The following TTC21B variants were observed in gnomAD, a reference collection of about 807,000 sequenced individuals.
The protein encoded by TTC21B is tetratricopeptide repeat protein 21B.
In TTC21B, 127 loss-of-function variants were observed where a neutral mutation model predicts 175.1. The observed-to-expected ratio is 0.73, with a 90% CI of 0.63 to 0.84. The LOEUF is 0.84. Ranked by LOEUF, TTC21B falls within the 40% of genes least tolerant of loss-of-function variation. TTC21B has a pLI of 0.00. For synonymous variants in TTC21B, 524 were observed against 524.5 expected (o/e 1.00, Z 0.01); for missense variants, 1,561 against 1,558.3 (o/e 1.00, Z -0.03).
chr2:165,929,614 C>T (rs1483833571), intron 10 of TTC21B, 36 bp downstream of exon 10: 2 of 1,401,094 alleles, frequency 1.4e-6, no homozygotes, highest in African/African-American at 1.4e-5. Context: ...TTATAAACAG[C>T]TAGCATCTAC....
chr2:165,920,966 G>A (rs192796963), intron 12 of TTC21B, among the ~76,000 whole-genome samples: 3 of 152,220 alleles, frequency 2.0e-5, no homozygotes, highest in Admixed American at 2.0e-4. Context: ...AGAATTCTGG[G>A]TAATAAAGCA....
rs368590446 is a variant in TTC21B, at chr2:165,907,663, G to A, written c.2568+15C>T. On this transcript the variant is annotated intron_variant, in intron 19 of 28. Coordinates refer to ENST00000243344, the MANE Select transcript of TTC21B (RefSeq NM_024753.5). ...CTCCTACCTCATGACCACACTCACA[G>A]ACAAATGTGTTTACCTGTTGTAATG... is the stretch of plus-strand genomic sequence containing the variant. The A allele has an allele frequency of 7.7e-6, 12 of 1,560,892 alleles. No individual in the cohort carries two copies. In the South Asian group the frequency reaches 1.1e-4, roughly 14 times the overall value.
Position 165,932,888 on chromosome 2 carries a change from T to C in TTC21B, c.795+85A>G, listed in dbSNP as rs938448499. Reference sequence around the variant, plus strand: ...AAAAGAGAACTTCAAGGCTTTAATGTATATGCACATGCACACATGGGTGTG... The same window carrying C: ...AAAAGAGAACTTCAAGGCTTTAATGCATATGCACATGCACACATGGGTGTG... On this transcript the variant is annotated intron_variant, in intron 7 of 28. Transcript: ENST00000243344. 7 of 1,172,942 alleles carry C rather than the reference T, an allele frequency of 6.0e-6. No individual in the cohort carries two copies. In the African/African-American group the frequency reaches 6.2e-5, roughly 10 times the overall value. The allele number at this position is 1,172,942 out of a possible 1,614,324, so 72.7% of individuals were successfully genotyped here. A position where few individuals can be genotyped will look rare whatever the true frequency, so the allele number is the denominator to read the frequency against.
intron 5 of TTC21B, among the ~76,000 whole-genome samples, chr2:165,941,615 C>T (rs1050967837): frequency 1.3e-5 from 2 of 151,872 alleles, no homozygotes; most frequent in East Asian, 3.9e-4. Context: ...AAAGAACAAG[C>T]AAAATACAGT....
intron 19 of TTC21B, among the ~76,000 whole-genome samples, chr2:165,903,684 T>G (rs556396814): frequency 2.6e-5 from 4 of 152,184 alleles, no homozygotes; most frequent in Non-Finnish European, 4.4e-5. Flanking sequence ...GAAAGCAAAA[T>G]TCCTAAGACT....
chr2:165,940,663 C>T (rs1687330708), intron 6 of TTC21B, among the ~76,000 whole-genome samples: 1 of 152,188 alleles, frequency 6.6e-6, no homozygotes, highest in Non-Finnish European at 1.5e-5. Flanking sequence ...CCCCTCAACA[C>T]TCCCCATCTC....
intron 1 of TTC21B, 23 bp from the exon 2 acceptor site, chr2:165,949,747 T>C (rs761453550): frequency 1.3e-6 from 2 of 1,598,054 alleles, no homozygotes; most frequent in South Asian, 1.1e-5. Flanking sequence ...AATGAAAAAA[T>C]GTTATAAAGG....
chr2:165,897,074 A>C (rs1310523106), intron 22 of TTC21B, among the ~76,000 whole-genome samples: 1 of 152,060 alleles, frequency 6.6e-6, no homozygotes, highest in Non-Finnish European at 1.5e-5. Context: ...AAAAGAGAGA[A>C]GGCTCTGGTT....
intron 26 of TTC21B, among the ~76,000 whole-genome samples, chr2:165,883,172 A>G (rs1451973825): frequency 6.6e-6 from 1 of 151,938 alleles, no homozygotes; most frequent in East Asian, 1.9e-4. Flanking sequence ...AGTTGTGTGC[A>G]ATTATTTCTC....
At chr2:165,933,255 A>G (rs181890130) in intron 6 of TTC21B, among the ~76,000 whole-genome samples, 198 bp from the exon 7 acceptor site, 15 of 152,300 alleles carry the variant, frequency 9.8e-5, no homozygotes, top group African/African-American at 2.6e-4. Context: ...TTAATTTTTA[A>G]TATGTTTTTA....
At chr2:165,940,904 G>C (rs942254634) in intron 6 of TTC21B, 123 bp downstream of exon 6, 15 of 955,078 alleles carry the variant, frequency 1.6e-5, no homozygotes, top group Admixed American at 2.3e-5. Context: ...GTATTTCCTC[G>C]GTTCCACACT....
chr2:165,933,143 C>G (rs1686976398), intron 6 of TTC21B, 86 bp from the exon 7 acceptor site: 1 of 1,032,274 alleles, frequency 9.7e-7, no homozygotes, highest in Non-Finnish European at 1.5e-6. Context: ...TTGCTTGCCT[C>G]ACTATTCCAC....
chr2:165,926,773 A>C (rs911667295), intron 11 of TTC21B, among the ~76,000 whole-genome samples: 2 of 151,558 alleles, frequency 1.3e-5, no homozygotes, highest in African/African-American at 4.9e-5. Context: ...AAAATGTGAA[A>C]AGACTAGACA....
chr2:165,900,021 A>C lies in TTC21B; in HGVS notation c.2758-141T>G, dbSNP rs561859232. Reference sequence around the variant, plus strand: ...AAGTATAATAGACAAAAAAAAAAAAAAAACAACAGTATGTATACCCATCTC... The same window carrying C: ...AAGTATAATAGACAAAAAAAAAAAACAAACAACAGTATGTATACCCATCTC... On this transcript the variant is annotated intron_variant, in intron 20 of 28. Coordinates refer to ENST00000243344, the MANE Select transcript of TTC21B (RefSeq NM_024753.5). 3.7e-5 allele frequency: 25 copies of C among 668,950 alleles called. 1 individual carries two copies. Among genetic ancestry groups the C allele is most frequent in the African/African-American group, 3.7e-4 (20 of 54,444 alleles). The allele number at this position is 668,950 out of a possible 1,614,324, so 41.4% of individuals were successfully genotyped here.
intron 4 of TTC21B, 92 bp from the exon 5 acceptor site, chr2:165,943,433 T>A: frequency 2.0e-6 from 2 of 1,001,498 alleles, no homozygotes; most frequent in South Asian, 1.5e-5. Context: ...TGGCAATTAA[T>A]AACAAAAAGG....
chr2:165,949,824 C>T (rs1559078951), intron 1 of TTC21B, 100 bp from the exon 2 acceptor site: 1 of 1,264,562 alleles, frequency 7.9e-7, no homozygotes, highest in Non-Finnish European at 1.1e-6. Context: ...ATGTAAAATT[C>T]AGGCAATGTG....
chr2:165,882,258 C>T (rs977201220), intron 26 of TTC21B, among the ~76,000 whole-genome samples: 14 of 152,128 alleles, frequency 9.2e-5, no homozygotes, highest in Non-Finnish European at 1.9e-4. Context: ...TGATGAGAAA[C>T]GTCTCATTGA....
chr2:165,933,556 A>T, intron 6 of TTC21B, among the ~76,000 whole-genome samples: 1 of 152,232 alleles, frequency 6.6e-6, no homozygotes, highest in Non-Finnish European at 1.5e-5. Flanking sequence ...GCATAAACTT[A>T]AGAAATGTGC....
rs71031215 is a variant in TTC21B, at chr2:165,922,566, C to CAAAA, written c.1516+1979_1516+1982dup. On this transcript the variant is annotated intron_variant, in intron 12 of 28. Coordinates refer to ENST00000243344, the MANE Select transcript of TTC21B (RefSeq NM_024753.5). ...GCCGGAATAGCCACTATTAAAAAGTCAAAAAAAAAAAAAAAAAAAAGACGT... is the reference window on the plus strand; with the variant it reads ...GCCGGAATAGCCACTATTAAAAAGTCAAAAAAAAAAAAAAAAAAAAAAAAGACGT... 1.0e-3 allele frequency among the ~76,000 whole-genome samples: 99 copies of CAAAA among 97,312 alleles called. 3 individuals carry two copies. The highest frequency in any genetic ancestry group is 1.1e-3 in the South Asian group (3 of 2,740). The allele number at this position is 97,312 out of a possible 152,430, so 63.8% of individuals were successfully genotyped here. A position where few individuals can be genotyped will look rare whatever the true frequency, so the allele number is the denominator to read the frequency against.
Sources: allele counts gnomAD v4.1 joint callset (sites outside exome capture counted in the v4.1 genomes callset), GRCh38; gene constraint gnomAD v4.1.1; transcripts MANE v1.5; gene names NCBI Gene and HGNC (gene_info 2026-07-23, HGNC 2026-07-21).